The following TUBGCP3 variants were observed in gnomAD, a reference collection of about 807,000 sequenced individuals.
The protein encoded by TUBGCP3 is tubulin gamma complex component 3, also known as gamma-tubulin complex component 3.
In TUBGCP3, 50 loss-of-function variants were observed where a neutral mutation model predicts 123.1. The observed-to-expected ratio is 0.41, with a 90% CI of 0.32 to 0.51. The LOEUF is 0.51. Among genes scored for constraint, TUBGCP3 ranks in the 20% least tolerant of loss-of-function variants. The pLI is 0.36. For missense variants in TUBGCP3, 882 were observed against 1,127.0 expected (o/e 0.78, Z 3.11); for synonymous variants, 405 against 413.9 (o/e 0.98, Z 0.26).
At chr13:112,530,788 G>T (rs191322954) in intron 11 of TUBGCP3, among the ~76,000 whole-genome samples, 1 of 151,956 alleles carries the variant, frequency 6.6e-6, no homozygotes, top group Non-Finnish European at 1.5e-5. Flanking sequence ...AATATACTAC[G>T]CATACGATAC....
chr13:112,599,474 T>A, the TUBGCP3 span, among the ~76,000 whole-genome samples: 1 of 152,132 alleles, frequency 6.6e-6, no homozygotes, highest in Admixed American at 6.6e-5. Context: ...ATATTTTGAG[T>A]TATAATCTAA....
At chr13:112,558,841 C>G (rs1288042950) in intron 4 of TUBGCP3, among the ~76,000 whole-genome samples, 1 of 152,226 alleles carries the variant, frequency 6.6e-6, no homozygotes, top group South Asian at 2.1e-4. Flanking sequence ...ACTCCCACGT[C>G]TCTGGTGAGT....
At chr13:112,551,315 G>A (rs775436696) in intron 8 of TUBGCP3, among the ~76,000 whole-genome samples, 33 of 152,180 alleles carry the variant, frequency 2.2e-4, no homozygotes, top group Non-Finnish European at 5.9e-5. Flanking sequence ...TTCATTAAAT[G>A]CACATGTAAG....
intron 11 of TUBGCP3, among the ~76,000 whole-genome samples, chr13:112,529,986 C>T (rs1439487854): frequency 6.6e-6 from 1 of 152,126 alleles, no homozygotes; most frequent in African/African-American, 2.4e-5. Flanking sequence ...ACCCTGAAAA[C>T]GGTATCTTCA....
chr13:112,489,981 C>T (rs1399214653), intron 20 of TUBGCP3, among the ~76,000 whole-genome samples: 1 of 150,706 alleles, frequency 6.6e-6, no homozygotes, highest in Non-Finnish European at 1.5e-5. Context: ...TAATTCATCT[C>T]ATTTCATGGG....
chr13:112,594,649 A>G, the TUBGCP3 span, among the ~76,000 whole-genome samples: 1 of 152,292 alleles, frequency 6.6e-6, no homozygotes, highest in East Asian at 1.9e-4. Context: ...TCTTGAGGTG[A>G]ACACTTAGGT....
intron 11 of TUBGCP3, among the ~76,000 whole-genome samples, chr13:112,528,525 G>T (rs1246219142): frequency 6.6e-6 from 1 of 152,102 alleles, no homozygotes; most frequent in African/African-American, 2.4e-5. Flanking sequence ...CCTGTGAATG[G>T]TCTTTTCATG....
intron 17 of TUBGCP3, among the ~76,000 whole-genome samples, chr13:112,510,761 T>C (rs1292834669): frequency 6.6e-6 from 1 of 152,062 alleles, no homozygotes; most frequent in Non-Finnish European, 1.5e-5. Flanking sequence ...CAGAGACAGG[T>C]GATGGGGTGG....
rs957908319 is a variant in TUBGCP3, at chr13:112,504,315, C to T, written c.2176-152G>A. 3.1e-5 allele frequency: 31 copies of T among 985,916 alleles called. No homozygotes were observed. In the African/African-American group the frequency reaches 4.4e-4, roughly 14 times the overall value. 61.1% of individuals were successfully genotyped at this position (985,916 alleles called of 1,614,324 possible). On this transcript the variant is annotated intron_variant, in intron 18 of 21. Coordinates refer to ENST00000261965, the MANE Select transcript of TUBGCP3 (RefSeq NM_006322.6). ...CCAGCCTGGCCAACATGGCAAAACC[C>T]CGTCTCTACTAAAAATACAAAAATC...
At chr13:112,587,337 C>A (rs964665144) in intron 1 of TUBGCP3, 1 of 152,314 alleles carries the variant, frequency 6.6e-6, no homozygotes, top group African/African-American at 2.4e-5. Context: ...TAGGAAAACA[C>A]GGCAGTTACA....
intron 19 of TUBGCP3, among the ~76,000 whole-genome samples, chr13:112,500,419 G>A (rs556654538): frequency 4.0e-4 from 61 of 152,102 alleles, no homozygotes; most frequent in Non-Finnish European, 8.1e-4. Flanking sequence ...CTAACACTCC[G>A]AAGCGTGAAA....
intron 21 of TUBGCP3, among the ~76,000 whole-genome samples, chr13:112,487,868 A>T (rs1879782883): frequency 6.6e-6 from 1 of 152,206 alleles, no homozygotes; most frequent in African/African-American, 2.4e-5. Flanking sequence ...ATGGTGGCTC[A>T]TGCCTGTAAT....
intron 10 of TUBGCP3, 54 bp downstream of exon 10, chr13:112,547,566 G>A (rs761144200): frequency 2.3e-5 from 31 of 1,356,090 alleles, no homozygotes; most frequent in Non-Finnish European, 3.0e-5. Context: ...GGAAAGTCGC[G>A]CGTGGGAAAG....
chr13:112,577,906 GA>G (rs1342442241), intron 1 of TUBGCP3, among the ~76,000 whole-genome samples: 12 of 152,244 alleles, frequency 7.9e-5, no homozygotes, highest in Middle Eastern at 3.4e-3. Flanking sequence ...TGTGAGGGGG[GA>G]AAAAGCTTTC....
At position 112,499,025 on chromosome 13, in the gene TUBGCP3, C is replaced by T; in HGVS notation, c.2448+20G>A. 3 of 1,614,174 alleles carry T rather than the reference C, an allele frequency of 1.9e-6. No homozygotes were observed. The highest frequency in any genetic ancestry group is 2.5e-6 in the Non-Finnish European group (3 of 1,180,026). On this transcript the variant is annotated intron_variant, in intron 20 of 21. Coordinates refer to ENST00000261965, the MANE Select transcript of TUBGCP3 (RefSeq NM_006322.6). The stretch of plus-strand genomic sequence containing the variant: ...AGTTCATTATTCAAATAGATAAATT[C>T]ACAAGTGTAAAGACCATACCTCAAT...
chr13:112,583,812 G>A (rs533926411), intron 1 of TUBGCP3, among the ~76,000 whole-genome samples: 6 of 152,156 alleles, frequency 3.9e-5, no homozygotes, highest in African/African-American at 7.2e-5. Flanking sequence ...TCAGGAGGGC[G>A]TTGGGAGTAA....
intron 11 of TUBGCP3, among the ~76,000 whole-genome samples, chr13:112,533,611 C>T (rs775949448): frequency 6.6e-6 from 1 of 151,760 alleles, no homozygotes; most frequent in Non-Finnish European, 1.5e-5. Context: ...GTGCCTTTGT[C>T]GTCAACAGGA....
chr13:112,603,868 GA>G, the TUBGCP3 span: 1 of 152,346 alleles, frequency 6.6e-6, no homozygotes, highest in Admixed American at 6.5e-5. Context: ...AGGGCAGAGG[GA>G]GGATGGAGGG....
intron 9 of TUBGCP3, 61 bp downstream of exon 9, chr13:112,548,047 T>C (rs1879215082): frequency 7.7e-7 from 1 of 1,299,198 alleles, no homozygotes; most frequent in Non-Finnish European, 1.1e-6. Context: ...ACATTCTATA[T>C]AGCTTCAATT....
Sources: allele counts gnomAD v4.1 joint callset (sites outside exome capture counted in the v4.1 genomes callset), GRCh38; gene constraint gnomAD v4.1.1; transcripts MANE v1.5; gene names NCBI Gene and HGNC (gene_info 2026-07-23, HGNC 2026-07-21).